CYP4F3: variants seen among roughly 807,000 people sequenced by gnomAD.
The protein encoded by CYP4F3 is cytochrome P450 family 4 subfamily F member 3.
Under a neutral mutation model 54.8 loss-of-function variants are expected in CYP4F3, and 50 were observed. That is an observed-to-expected ratio of 0.91 (90% CI 0.73 to 1.16). CYP4F3 has a LOEUF of 1.16. Among genes scored for constraint, CYP4F3 ranks in the 50% most tolerant of loss-of-function variants. The pLI, the probability that CYP4F3 is intolerant of heterozygous loss-of-function variation, is 0.00. For missense variants in CYP4F3, 715 were observed against 676.2 expected, an observed-to-expected ratio of 1.06 and a Z score of -0.64; for synonymous variants, 244 against 262.6, an observed-to-expected ratio of 0.93 and a Z score of 0.69.
At chr19:15,656,158 G>A (rs1308889561) in intron 9 of CYP4F3, among the ~76,000 whole-genome samples, 1 of 150,916 alleles carries the variant, frequency 6.6e-6, no homozygotes, top group East Asian at 1.9e-4. Context: ...AGATAAGTAA[G>A]ATCATGTGTG....
intron 9 of CYP4F3, among the ~76,000 whole-genome samples, chr19:15,657,604 C>T (rs1973061291): frequency 6.6e-6 from 1 of 152,154 alleles, no homozygotes; most frequent in Non-Finnish European, 1.5e-5. Flanking sequence ...AAATCCTTTA[C>T]TATTAGCTGA....
At chr19:15,642,263 A>G (rs1277091123) in intron 2 of CYP4F3, among the ~76,000 whole-genome samples, 2 of 152,100 alleles carry the variant, frequency 1.3e-5, no homozygotes, top group Non-Finnish European at 2.9e-5. Flanking sequence ...AAATGGCAGG[A>G]TTGATGGGTG....
At chr19:15,654,098 G>T (rs969594423) in intron 9 of CYP4F3, among the ~76,000 whole-genome samples, 1 of 152,168 alleles carries the variant, frequency 6.6e-6, no homozygotes, top group Non-Finnish European at 1.5e-5. Context: ...CTGGAGGAAG[G>T]AGAGGAAGCA....
At chr19:15,643,509 G>T (rs1311566570) in intron 2 of CYP4F3, among the ~76,000 whole-genome samples, 1 of 152,062 alleles carries the variant, frequency 6.6e-6, no homozygotes, top group Non-Finnish European at 1.5e-5. Flanking sequence ...TTTATTTCGG[G>T]AATTGGCTCA....
intron 9 of CYP4F3, 49 bp downstream of exon 9, chr19:15,653,001 TG>T: frequency 6.4e-7 from 1 of 1,556,204 alleles, no homozygotes; most frequent in Non-Finnish European, 8.7e-7. Context: ...TCATTGGCTC[TG>T]TTCCCCAGGT....
chr19:15,646,942 G>A (rs1039104797), intron 3 of CYP4F3, 110 bp from the exon 4 acceptor site: 1 of 1,481,854 alleles, frequency 6.7e-7, no homozygotes, highest in Non-Finnish European at 9.2e-7. Flanking sequence ...TTCTTGCTAT[G>A]TGGGGCTTGG....
At chr19:15,651,372 CTTT>C (rs55874846) in intron 7 of CYP4F3, among the ~76,000 whole-genome samples, 3 of 118,520 alleles carry the variant, frequency 2.5e-5, no homozygotes, top group Admixed American at 8.4e-5. Flanking sequence ...ATATCTTTGT[CTTT>C]TTTTTTTTTT....
chr19:15,642,804 G>T (rs996150222), intron 2 of CYP4F3, among the ~76,000 whole-genome samples: 1 of 152,062 alleles, frequency 6.6e-6, no homozygotes, highest in African/African-American at 2.4e-5. Flanking sequence ...TGGCTGGCTG[G>T]ATAAGTAGGT....
At chr19:15,647,382 C>G in intron 5 of CYP4F3, 58 bp downstream of exon 5, 1 of 1,605,474 alleles carries the variant, frequency 6.2e-7, no homozygotes, top group Non-Finnish European at 8.5e-7. Flanking sequence ...GAACCACAGA[C>G]AGATCTAGTC....
chr19:15,653,019 G>A, intron 9 of CYP4F3, 67 bp downstream of exon 9: 1 of 1,526,864 alleles, frequency 6.5e-7, no homozygotes, highest in Non-Finnish European at 8.8e-7. Flanking sequence ...AGGTAGGGAG[G>A]GGAGAAGGGG....
In CYP4F3 at chr19:15,645,825, T is replaced by C. The variant is rs1972608476; in HGVS notation, c.305T>C (p.Phe102Ser). 3.7e-6 allele frequency: 6 copies of C among 1,613,674 alleles called. No individual in the cohort carries two copies. The highest frequency in any genetic ancestry group is 1.7e-4 in the Middle Eastern group (1 of 6,058). The change falls in exon 3 of 13, where the codon TTC (phenylalanine) becomes TCC (serine). Residue 102 changes from phenylalanine (F) to serine (S), a missense_variant. Phe to Ser is a radical substitution (Grantham distance 155). Coordinates refer to ENST00000221307, the MANE Select transcript of CYP4F3 (RefSeq NM_000896.3). Reference protein sequence around the residue: ...VGPWHAIVRIFHPTYIKPVLF... With the variant: ...VGPWHAIVRISHPTYIKPVLF... ...CCCTGGCACGCAATCGTCCGCATCT[T>C]CCACCCCACCTACATCAAGCCTGTG... is the stretch of plus-strand genomic sequence containing the variant.
chr19:15,654,565 G>A (rs1972964490), intron 9 of CYP4F3, among the ~76,000 whole-genome samples: 1 of 151,876 alleles, frequency 6.6e-6, no homozygotes, highest in Admixed American at 6.6e-5. Context: ...TTTTTCATGA[G>A]ATCCACTTTT....
intron 1 of CYP4F3, 101 bp from the exon 2 acceptor site, chr19:15,641,314 C>G: frequency 7.0e-7 from 1 of 1,430,346 alleles, no homozygotes; most frequent in South Asian, 1.2e-5. Flanking sequence ...ACTGTTCTAT[C>G]TCCAGCACTG....
At chr19:15,649,457 G>T (rs180918375) in intron 6 of CYP4F3, among the ~76,000 whole-genome samples, 176 bp downstream of exon 6, 66 of 152,272 alleles carry the variant, frequency 4.3e-4, no homozygotes, top group African/African-American at 1.5e-3. Flanking sequence ...TCATTAAAAG[G>T]GTTTGAACTG....
chr19:15,643,357 C>T (rs757038004), intron 2 of CYP4F3, among the ~76,000 whole-genome samples: 1 of 149,364 alleles, frequency 6.7e-6, no homozygotes, highest in Non-Finnish European at 1.5e-5. Context: ...TACATACATA[C>T]ATATATAGAT....
At position 15,641,603 on chromosome 19, in the gene CYP4F3, A is replaced by T. The variant is rs1972466724; in HGVS notation, c.188A>T (p.His63Leu). 6.2e-7 allele frequency: 1 copy of T among 1,604,132 alleles called. No individual in the cohort carries two copies. Among genetic ancestry groups the T allele is most frequent in the Admixed American group, 1.7e-5 (1 of 59,650 alleles). ...CCGAAACGGAATTGGTTCTTGGGTC[A>T]CCTGGGCCTGGTGAGTGTGGCAGCA... is the stretch of plus-strand genomic sequence containing the variant. ...QPPKRNWFLG[H>L]LGLIHSSEEG... The change falls in exon 2 of 13, where the codon CAC becomes CTC. Residue 63 changes from histidine to leucine, a missense_variant. Coordinates refer to ENST00000221307, the MANE Select transcript of CYP4F3 (RefSeq NM_000896.3).
rs1973142174 is a variant in CYP4F3, at chr19:15,659,762, T to C, written c.*377T>C. The stretch of plus-strand genomic sequence containing the variant: ...AAGACATCAGATGCAAAAGGTCACA[T>C]AGTGTACTGTCCTTTTATATGAAAT... On this transcript the variant is annotated 3_prime_UTR_variant, in exon 13 of 13. Coordinates refer to ENST00000221307, the MANE Select transcript of CYP4F3 (RefSeq NM_000896.3). 5.0e-6 allele frequency: 1 copy of C among 199,728 alleles called. No individual in the cohort carries two copies. Among genetic ancestry groups the C allele is most frequent in the Admixed American group, 5.5e-5 (1 of 18,166 alleles). The allele number at this position is 199,728 out of a possible 1,614,324, so 12.4% of individuals were successfully genotyped here.
At chr19:15,643,882 G>A (rs1382065229) in intron 2 of CYP4F3, 29 of 1,527,676 alleles carry the variant, frequency 1.9e-5, no homozygotes, top group Non-Finnish European at 2.5e-5. Context: ...ATGACAGGAG[G>A]TGACGGCCCC....
chr19:15,645,862 A>G lies in CYP4F3; in HGVS notation c.342A>G (p.Pro114=), dbSNP rs1224583157. The G allele has an allele frequency of 1.2e-6, 2 of 1,604,652 alleles. No homozygotes were observed. The highest frequency in any genetic ancestry group is 1.7e-6 in the Non-Finnish European group (2 of 1,174,588). ...ACATCAAGCCTGTGCTCTTTGCTCC[A>G]GGTAGACACTGCACTGGCCACTCCA... ...PTYIKPVLFA[P]AAIVPKDKVF... is the part of the protein sequence containing the mutation. Residue 114 remains proline, a splice_region_variant and synonymous_variant, in exon 3 of 13, where the codon CCA becomes CCG. Coordinates refer to ENST00000221307, the MANE Select transcript of CYP4F3 (RefSeq NM_000896.3).
Sources: gnomAD v4.1 joint callset for allele counts (sites outside exome capture counted in the v4.1 genomes callset) on GRCh38, gnomAD v4.1.1 for gene constraint, MANE v1.5 for transcripts, NCBI Gene and HGNC (gene_info 2026-07-23, HGNC 2026-07-21) for gene names.